MAF: variants seen among roughly 807,000 people sequenced by gnomAD.
MAF encodes transcription factor Maf.
In MAF, 10 loss-of-function variants were observed where a neutral mutation model predicts 22.0. The ratio of observed to expected loss-of-function variants is 0.45; its 90% CI spans 0.28 to 0.77. The LOEUF (loss-of-function observed/expected upper bound fraction) is 0.77, where lower values mean the gene tolerates loss of function less well. Among genes scored for constraint, MAF ranks in the 30% least tolerant of loss-of-function variants. The pLI is 0.12. For synonymous variants in MAF, 337 were observed against 255.8 expected, an observed-to-expected ratio of 1.32 and a Z score of -3.03; for missense variants, 544 against 548.4, an observed-to-expected ratio of 0.99 and a Z score of 0.08.
At chr16:79,212,714 T>TTTTG in the MAF span, 3 of 152,180 alleles carry the variant, frequency 2.0e-5, no homozygotes, top group Admixed American at 6.5e-5. Context: ...TTCAGTTTGT[T>TTTTG]TTTGTTTTTC....
chr16:79,295,419 T>C, the MAF span, among the ~76,000 whole-genome samples: 13 of 152,054 alleles, frequency 8.5e-5, no homozygotes, highest in Non-Finnish European at 1.5e-4. Context: ...GGAAGTGAGG[T>C]ACAGAGAAAG....
the MAF span, among the ~76,000 whole-genome samples, chr16:79,316,924 T>G: frequency 6.6e-6 from 1 of 152,200 alleles, no homozygotes; most frequent in Non-Finnish European, 1.5e-5. Flanking sequence ...TCACTTGAAG[T>G]AAAGCACCTC....
chr16:79,437,963 T>G, the MAF span, among the ~76,000 whole-genome samples: 1 of 152,142 alleles, frequency 6.6e-6, no homozygotes, highest in Non-Finnish European at 1.5e-5. Context: ...GAGGCCTGTT[T>G]GTGGAGACAG....
At chr16:79,305,335 A>G in the MAF span, among the ~76,000 whole-genome samples, 1 of 152,214 alleles carries the variant, frequency 6.6e-6, no homozygotes, top group Non-Finnish European at 1.5e-5. Flanking sequence ...CAGGGGCACC[A>G]GGACTGCAGA....
At chr16:79,326,037 T>C in the MAF span, among the ~76,000 whole-genome samples, 1 of 152,208 alleles carries the variant, frequency 6.6e-6, no homozygotes, top group Middle Eastern at 3.2e-3. Context: ...ACTGACTCCA[T>C]CACTTAGCCT....
the MAF span, among the ~76,000 whole-genome samples, chr16:79,450,346 C>T: frequency 6.6e-6 from 1 of 152,258 alleles, no homozygotes; most frequent in Middle Eastern, 3.4e-3. Context: ...AACAGACTAC[C>T]ACAAAATGCA....
chr16:79,539,093 T>C, the MAF span, among the ~76,000 whole-genome samples: 1 of 152,222 alleles, frequency 6.6e-6, no homozygotes, highest in Admixed American at 6.5e-5. Context: ...AAGAAAGTTT[T>C]GTAAAATGAA....
chr16:79,448,846 C>T, the MAF span, among the ~76,000 whole-genome samples: 1,322 of 152,020 alleles, frequency 8.7e-3, 16 homozygotes, highest in African/African-American at 0.03. Flanking sequence ...ACCAGGGACT[C>T]GTTTCATGGA....
At position 79,600,005 on chromosome 16, in the gene MAF, G is replaced by C; in HGVS notation, c.-103C>G. ...TGGCCAGCGGGTGAGCCAGCTTGCC[G>C]GGCTGGGGCGCTTCTAGCTTGCGCG... is the stretch of plus-strand genomic sequence containing the variant. On this transcript the variant is annotated 5_prime_UTR_variant, in exon 1 of 2. Transcript: ENST00000326043. The C allele has an allele frequency of 6.6e-7, 1 of 1,522,668 alleles. No individual in the cohort carries two copies. The highest frequency in any genetic ancestry group is 1.8e-5 in the Admixed American group (1 of 55,612). 94.3% of individuals were successfully genotyped at this position (1,522,668 alleles called of 1,614,324 possible).
the MAF span, among the ~76,000 whole-genome samples, chr16:79,333,342 C>T: frequency 1.3e-5 from 2 of 152,164 alleles, no homozygotes; most frequent in Non-Finnish European, 2.9e-5. Flanking sequence ...CCTACTCTCT[C>T]TGCCTGTCAG....
the MAF span, among the ~76,000 whole-genome samples, chr16:79,300,282 C>T: frequency 1.3e-5 from 2 of 152,254 alleles, no homozygotes; most frequent in Admixed American, 1.3e-4. Flanking sequence ...CTTGACCAGG[C>T]GCGGTGGCTC....
At chr16:79,212,317 C>T in the MAF span, 2 of 831,288 alleles carry the variant, frequency 2.4e-6, no homozygotes, top group Non-Finnish European at 1.8e-6. Context: ...AGACAAATCT[C>T]AGAACCTTGT....
chr16:79,563,257 G>C, the MAF span, among the ~76,000 whole-genome samples: 1 of 152,204 alleles, frequency 6.6e-6, no homozygotes, highest in Non-Finnish European at 1.5e-5. Context: ...ATCGTCTCAT[G>C]TGACAGCCGC....
At chr16:79,498,153 G>T in the MAF span, among the ~76,000 whole-genome samples, 10 of 152,176 alleles carry the variant, frequency 6.6e-5, no homozygotes, top group Admixed American at 1.3e-4. Flanking sequence ...GGAAGTGGTG[G>T]TATCTTAGCT....
At chr16:79,246,847 T>C in the MAF span, among the ~76,000 whole-genome samples, 1 of 152,118 alleles carries the variant, frequency 6.6e-6, no homozygotes, top group African/African-American at 2.4e-5. Flanking sequence ...CATCCATCCA[T>C]CCATCTTTTC....
chr16:79,274,451 C>T, the MAF span, among the ~76,000 whole-genome samples: 1 of 152,056 alleles, frequency 6.6e-6, no homozygotes, highest in Non-Finnish European at 1.5e-5. Context: ...CAAGGGGACC[C>T]CAATGCAAAT....
chr16:79,215,976 T>A, the MAF span, among the ~76,000 whole-genome samples: 1 of 152,216 alleles, frequency 6.6e-6, no homozygotes, highest in East Asian at 1.9e-4. Context: ...TGGGCCATTT[T>A]CTCTTGCCAG....
the MAF span, among the ~76,000 whole-genome samples, chr16:79,415,266 C>CAAGGAAGG: frequency 5.2e-4 from 55 of 106,428 alleles, no homozygotes; most frequent in East Asian, 0.013. Flanking sequence ...AAGGAAAGAA[C>CAAGGAAGG]AAGGAAGGAA....
chr16:79,301,148 AGTCGG>A, the MAF span, among the ~76,000 whole-genome samples: 2 of 152,166 alleles, frequency 1.3e-5, no homozygotes, highest in Non-Finnish European at 2.9e-5. Flanking sequence ...ACGAGAAACA[AGTCGG>A]GTCCTCAGGA....
Sources: allele counts gnomAD v4.1 joint callset (sites outside exome capture counted in the v4.1 genomes callset), GRCh38; gene constraint gnomAD v4.1.1; transcripts MANE v1.5; gene names NCBI Gene and HGNC (gene_info 2026-07-23, HGNC 2026-07-21).